The following WBP1L variants were observed in gnomAD, a reference collection of about 807,000 sequenced individuals.
The protein encoded by WBP1L is WW domain binding protein 1-like.
Under a neutral mutation model 33.7 loss-of-function variants are expected in WBP1L, and 17 were observed. The observed-to-expected ratio is 0.50, with a 90% CI of 0.34 to 0.76. WBP1L has a LOEUF of 0.76. Among genes scored for constraint, WBP1L ranks in the 30% least tolerant of loss-of-function variants. WBP1L has a pLI of 0.01. For synonymous variants in WBP1L, 173 were observed against 190.8 expected (o/e 0.91, Z 0.77); for missense variants, 389 against 469.4 (o/e 0.83, Z 1.58).
chr10:102,747,274 C>T (rs1430755075), intron 1 of WBP1L, among the ~76,000 whole-genome samples: 5 of 148,854 alleles, frequency 3.4e-5, no homozygotes, highest in Non-Finnish European at 5.9e-5. Context: ...GCAGAAGAAT[C>T]GCTTGAACGT....
chr10:102,772,800 G>A (rs1024083483), intron 1 of WBP1L, among the ~76,000 whole-genome samples: 1 of 148,332 alleles, frequency 6.7e-6, no homozygotes, highest in East Asian at 1.9e-4. Flanking sequence ...GAACTCCTGG[G>A]CTCAAGCAAT....
intron 1 of WBP1L, among the ~76,000 whole-genome samples, chr10:102,795,001 A>T (rs1220242542): frequency 1.3e-5 from 2 of 152,182 alleles, no homozygotes; most frequent in African/African-American, 4.8e-5. Context: ...CTGTATTTAG[A>T]GGAGGGAGAA....
At chr10:102,793,219 T>C (rs944269895) in intron 1 of WBP1L, among the ~76,000 whole-genome samples, 5 of 152,174 alleles carry the variant, frequency 3.3e-5, no homozygotes, top group Admixed American at 2.0e-4. Flanking sequence ...GATGGGACGA[T>C]TGCTTAAGGC....
intron 1 of WBP1L, among the ~76,000 whole-genome samples, chr10:102,766,517 G>A (rs1382127798): frequency 6.6e-6 from 1 of 151,890 alleles, no homozygotes; most frequent in Non-Finnish European, 1.5e-5. Flanking sequence ...AGCTACTTGG[G>A]AGGCTGAGGT....
At chr10:102,755,972 G>A (rs1222650100) in intron 1 of WBP1L, among the ~76,000 whole-genome samples, 1 of 152,056 alleles carries the variant, frequency 6.6e-6, no homozygotes, top group East Asian at 1.9e-4. Flanking sequence ...ATGAACCCGG[G>A]AGGCAGAGCT....
In WBP1L at chr10:102,812,456, C is replaced by G. The variant is rs1843856929; in HGVS notation, c.356-139C>G. On this transcript the variant is annotated intron_variant, in intron 3 of 3. Coordinates refer to ENST00000448841, the MANE Select transcript of WBP1L (RefSeq NM_001083913.2). Reference sequence around the variant, plus strand: ...TGCTCGCAGCTGTCTCTCCTCTGCTCACAACCAAGAGCTGTAGCCATCACT... The same window carrying G: ...TGCTCGCAGCTGTCTCTCCTCTGCTGACAACCAAGAGCTGTAGCCATCACT... 5.7e-6 allele frequency: 6 copies of G among 1,047,288 alleles called. No individual in the cohort carries two copies. In the Admixed American group the frequency reaches 8.2e-5, roughly 14 times the overall value. 64.9% of individuals were successfully genotyped at this position (1,047,288 alleles called of 1,614,324 possible).
intron 1 of WBP1L, among the ~76,000 whole-genome samples, chr10:102,784,818 C>T (rs1843390440): frequency 6.6e-6 from 1 of 152,004 alleles, no homozygotes; most frequent in African/African-American, 2.4e-5. Context: ...ACTTCAGCCT[C>T]CCAAAGTGCT....
intron 1 of WBP1L, among the ~76,000 whole-genome samples, chr10:102,773,272 G>A (rs920102180): frequency 1.3e-5 from 2 of 152,068 alleles, no homozygotes; most frequent in African/African-American, 4.8e-5. Context: ...CGTTAGTGAG[G>A]GGCTGTAGGC....
rs927737673 is a variant in WBP1L at position 102,813,001 on chromosome 10, C to T, written c.762C>T (p.Pro254=). The T allele has an allele frequency of 5.0e-6, 8 of 1,613,464 alleles. No individual in the cohort carries two copies. The highest frequency in any genetic ancestry group is 1.3e-5 in the African/African-American group (1 of 74,880). Residue 254 remains proline, a synonymous_variant, in exon 4 of 4, where the codon CCC becomes CCT. Transcript: ENST00000448841. ...LKDDSSEHGA[P]DSKEKTPGRH... ...ATGACAGCTCTGAACACGGCGCACC[C>T]GACAGCAAAGAGAAGACGCCTGGGA...
intron 1 of WBP1L, among the ~76,000 whole-genome samples, chr10:102,761,458 A>T (rs1367445734): frequency 7.2e-6 from 1 of 138,210 alleles, no homozygotes; most frequent in African/African-American, 2.7e-5. Flanking sequence ...TTTTATGTTT[A>T]ATTTTTTCTT....
intron 1 of WBP1L, among the ~76,000 whole-genome samples, chr10:102,753,514 T>G (rs1003384153): frequency 1.3e-5 from 2 of 152,226 alleles, no homozygotes; most frequent in Non-Finnish European, 2.9e-5. Context: ...GGGGATTAAG[T>G]AGGTCATCCT....
chr10:102,754,710 T>C (rs1245452494), intron 1 of WBP1L, among the ~76,000 whole-genome samples: 2 of 151,766 alleles, frequency 1.3e-5, no homozygotes, highest in African/African-American at 2.4e-5. Context: ...ACATTTTTTG[T>C]TTTTGTTTTT....
chr10:102,806,235 TAA>T (rs10588358), intron 2 of WBP1L, among the ~76,000 whole-genome samples: 77,874 of 145,084 alleles, frequency 0.54, 21,113 homozygotes, highest in Non-Finnish European at 0.63. Context: ...AACAATAAAG[TAA>T]AAAAAAAAAA....
chr10:102,797,673 C>A (rs536270247), intron 1 of WBP1L, among the ~76,000 whole-genome samples: 1 of 152,264 alleles, frequency 6.6e-6, no homozygotes, highest in South Asian at 2.1e-4. Flanking sequence ...CTGCCTCAAC[C>A]TCCTGAGTAG....
At chr10:102,787,770 T>G (rs1472113024) in intron 1 of WBP1L, among the ~76,000 whole-genome samples, 1 of 152,068 alleles carries the variant, frequency 6.6e-6, no homozygotes, top group African/African-American at 2.4e-5. Context: ...CCCTCAGGTC[T>G]TTGAACAGTC....
At position 102,813,238 on chromosome 10, in the gene WBP1L, C is replaced by T. The variant is rs768529388; in HGVS notation, c.999C>T (p.His333=). The T allele has an allele frequency of 6.2e-7, 1 of 1,612,416 alleles. No individual in the cohort carries two copies. The highest frequency in any genetic ancestry group is 8.5e-7 in the Non-Finnish European group (1 of 1,179,884). The change falls in exon 4 of 4, where the codon CAC becomes CAT. Residue 333 remains histidine, a synonymous_variant. Transcript: ENST00000448841. Reference sequence around the variant, plus strand: ...AGGAGCAGGCTCGAGAGCCTGGGCACCCGCACCTGCCACGGCCGCCCGCAT... The same window carrying T: ...AGGAGCAGGCTCGAGAGCCTGGGCATCCGCACCTGCCACGGCCGCCCGCAT... ...SSEEQAREPG[H]PHLPRPPACL...
rs570897444 is a variant in WBP1L, at chr10:102,760,502, G to C, written c.90+16359G>C. ...AGCGATTCTCCTGCCTCAGCCTTCC[G>C]AGTAGCTGGGATTACGGGCATGCAC... On this transcript the variant is annotated intron_variant, in intron 1 of 3. Transcript: ENST00000448841. 1.6e-4 allele frequency among the ~76,000 whole-genome samples: 24 copies of C among 150,162 alleles called. No individual in the cohort carries two copies. In the South Asian group the frequency reaches 4.6e-3, roughly 29 times the overall value.
chr10:102,802,475 A>G (rs1843672252), intron 2 of WBP1L, among the ~76,000 whole-genome samples: 1 of 152,072 alleles, frequency 6.6e-6, no homozygotes, highest in Non-Finnish European at 1.5e-5. Context: ...AACAGAACCT[A>G]AAAGCAGACT....
At position 102,812,485 on chromosome 10, in the gene WBP1L, TGGGTGCTCTG is replaced by T. The variant is rs1421067047; in HGVS notation, c.356-104_356-95del. The T allele has an allele frequency of 2.3e-6, 3 of 1,297,012 alleles. No homozygotes were observed. The East Asian group carries it at 7.5e-5, about 33-fold the overall frequency. 80.3% of individuals were successfully genotyped at this position (1,297,012 alleles called of 1,614,324 possible). ...ACCAAGAGCTGTAGCCATCACTTGT[TGGGTGCTCTG>T]GGGTGGGAAGAGACAATGCAAATAT... On this transcript the variant is annotated intron_variant, in intron 3 of 3. Transcript: ENST00000448841.
Sources: allele counts gnomAD v4.1 joint callset (sites outside exome capture counted in the v4.1 genomes callset), GRCh38; gene constraint gnomAD v4.1.1; transcripts MANE v1.5; gene names NCBI Gene and HGNC (gene_info 2026-07-23, HGNC 2026-07-21).